Variants in RBBP5 observed in about 807,000 individuals in gnomAD.
The protein encoded by RBBP5 is retinoblastoma-binding protein 5.
In RBBP5, 5 loss-of-function variants were observed where a neutral mutation model predicts 72.2. That is an observed-to-expected ratio of 0.07 (90% CI 0.04 to 0.15). RBBP5 has a LOEUF of 0.15. Ranked by LOEUF, RBBP5 falls within the 10% of genes least tolerant of loss-of-function variation. RBBP5 has a pLI of 1.00. For missense variants in RBBP5, 322 were observed against 652.2 expected (o/e 0.49, Z 5.51); for synonymous variants, 209 against 237.2 (o/e 0.88, Z 1.09).
At chr1:205,109,747 G>C (rs1236349887) in intron 3 of RBBP5, among the ~76,000 whole-genome samples, 1 of 152,042 alleles carries the variant, frequency 6.6e-6, no homozygotes, top group African/African-American at 2.4e-5. Context: ...ATAACCTCAA[G>C]AATTAGGAAT....
chr1:205,106,133 G>A (rs1267122069), intron 3 of RBBP5, among the ~76,000 whole-genome samples: 1 of 152,188 alleles, frequency 6.6e-6, no homozygotes, highest in Non-Finnish European at 1.5e-5. Context: ...CAGACAGGAT[G>A]TTATCAGCAG....
intron 13 of RBBP5, among the ~76,000 whole-genome samples, chr1:205,092,861 C>T (rs529245054): frequency 2.6e-5 from 4 of 152,254 alleles, no homozygotes; most frequent in Admixed American, 1.3e-4. Context: ...GAATTACAGG[C>T]GTGAGCCTTA....
Position 205,101,650 on chromosome 1 carries a change from T to C in RBBP5, c.582A>G (p.Gly194=). 6.2e-7 allele frequency: 1 copy of C among 1,613,882 alleles called. No individual in the cohort carries two copies. Among genetic ancestry groups the C allele is most frequent in the Non-Finnish European group, 8.5e-7 (1 of 1,179,902 alleles). Residue 194 remains glycine, a synonymous_variant, in exon 6 of 14, where the codon GGA becomes GGG. Transcript: ENST00000264515. The part of the protein sequence containing the change: ...DLVASFRVTT[G]TSNTTAIKSI... ...ACTTAATGGCTGTGGTATTGCTTGT[T>C]CCAGTTGTCACTCTGAAGGAAGCAA...
At position 205,114,908 on chromosome 1, in the gene RBBP5, G is replaced by A. The variant is rs1449902944; in HGVS notation, c.99C>T (p.Asn33=). 10 of 1,593,076 alleles carry A rather than the reference G, an allele frequency of 6.3e-6. No homozygotes were observed. The highest frequency in any genetic ancestry group is 6.9e-6 in the Non-Finnish European group (8 of 1,167,224). ...CISMALTCTF[N]RWGTLLAVGC... ...CAACTGCAAGCAGTGTGCCCCACCT[G>A]TTAAAGGTGCAAGTCAAAGCCATGC... is the stretch of plus-strand genomic sequence containing the variant. The change falls in exon 3 of 14, where the codon AAC becomes AAT. Residue 33 remains asparagine (N), a synonymous_variant. Transcript: ENST00000264515.
intron 5 of RBBP5, 85 bp from the exon 6 acceptor site, chr1:205,101,794 G>A (rs1054113139): frequency 1.8e-5 from 17 of 953,930 alleles, no homozygotes; most frequent in Non-Finnish European, 2.8e-5. Flanking sequence ...ACTGCGTAAA[G>A]ACTGGGTAAA....
rs1655754607 is a variant in RBBP5 at position 205,099,901 on chromosome 1, A to C, written c.906+10T>G. On this transcript the variant is annotated intron_variant, in intron 8 of 13. Transcript: ENST00000264515. This position sits in a 1 kb window ranked among gnomAD's most constrained non-coding sequence, Gnocchi z 4.7. ...TGTGACTAACAAAAGCAATGTCCTA[A>C]TGTACTCACAGCTACATCCAAGAGG... 6.2e-7 allele frequency: 1 copy of C among 1,613,902 alleles called. No homozygotes were observed. Among genetic ancestry groups the C allele is most frequent in the South Asian group, 1.1e-5 (1 of 91,068 alleles).
intron 3 of RBBP5, among the ~76,000 whole-genome samples, chr1:205,107,052 A>ATGTGTG (rs373075505): frequency 4.0e-5 from 6 of 150,242 alleles, no homozygotes; most frequent in Admixed American, 1.3e-4. Flanking sequence ...ATGTGTGTAT[A>ATGTGTG]TGTATGTGTG....
At chr1:205,106,245 T>C (rs1173196676) in intron 3 of RBBP5, among the ~76,000 whole-genome samples, 1 of 152,148 alleles carries the variant, frequency 6.6e-6, no homozygotes, top group East Asian at 1.9e-4. Context: ...AACAAGATGG[T>C]ACACTCCATT....
In RBBP5 at chr1:205,111,318, C is replaced by T. The variant is rs1169335218; in HGVS notation, c.218+3471G>A. Among the ~76,000 whole-genome samples, 5 of 152,266 alleles carry T rather than the reference C, an allele frequency of 3.3e-5. No individual in the cohort carries two copies. In the East Asian group the frequency reaches 5.8e-4, roughly 18 times the overall value. On this transcript the variant is annotated intron_variant, in intron 3 of 13. Transcript: ENST00000264515. ...AATGGCTACTGTATATCAGGTACAACGCTAGAAGCTGAGAACATAGCAGTG... is the reference window on the plus strand; with the variant it reads ...AATGGCTACTGTATATCAGGTACAATGCTAGAAGCTGAGAACATAGCAGTG...
chr1:205,099,634 C>G lies in RBBP5; in HGVS notation c.978+107G>C. ...CCTATGTAATTTAGGTTGCGAGAAT[C>G]ATATGCAAAAGAAAATAAAAATGTA... On this transcript the variant is annotated intron_variant, in intron 9 of 13. Coordinates refer to ENST00000264515, the MANE Select transcript of RBBP5 (RefSeq NM_005057.4). The surrounding 1 kb of genome is among the most constrained non-coding windows in gnomAD (Gnocchi z 4.7). The G allele has an allele frequency of 8.3e-7, 1 of 1,203,402 alleles. No homozygotes were observed. The highest frequency in any genetic ancestry group is 1.2e-6 in the Non-Finnish European group (1 of 851,296). The allele number at this position is 1,203,402 out of a possible 1,614,324, so 74.5% of individuals were successfully genotyped here.
At chr1:205,098,345 T>G (rs1655694152) in intron 10 of RBBP5, among the ~76,000 whole-genome samples, 1 of 152,200 alleles carries the variant, frequency 6.6e-6, no homozygotes, top group Non-Finnish European at 1.5e-5. Flanking sequence ...TGAGCACTCT[T>G]AGCATGGTGA....
rs538168397 is a variant in RBBP5, at chr1:205,117,876, G to A, written c.20-1993C>T. On this transcript the variant is annotated intron_variant, in intron 1 of 13. Transcript: ENST00000264515. ...GTCTCCCAAGCTGGAATGCAATGAT[G>A]TTGGCTCCCTCCAACCTCTGCCTCA... Among the ~76,000 whole-genome samples the A allele has an allele frequency of 9.9e-5, 15 of 151,944 alleles. No individual in the cohort carries two copies. In the South Asian group the frequency reaches 2.9e-3, roughly 30 times the overall value.
rs1323193197 is a variant in RBBP5, at chr1:205,097,359, G to A, written c.1133C>T (p.Thr378Ile). ...GAAGGCAGCAATAGGGTCCACGCTG[G>A]TGACATCCACTTCCTCATCTTCTGC... ...DAAEDEEVDV[T>I]SVDPIAAFCS... Residue 378 changes from threonine to isoleucine, a missense_variant, in exon 11 of 14, where the codon ACC (threonine) becomes ATC (isoleucine). By Grantham distance (89) the Thr-to-Ile change is moderately conservative (BLOSUM62 -1). This residue lies in a region of RBBP5 where 30 missense variants were observed against 82.1 expected (regional missense o/e 0.37). Transcript: ENST00000264515. The A allele has an allele frequency of 6.4e-7, 1 of 1,552,428 alleles. No individual in the cohort carries two copies. The highest frequency in any genetic ancestry group is 2.0e-5 in the Admixed American group (1 of 51,052).
chr1:205,119,132 C>T (rs1405903350), intron 1 of RBBP5, among the ~76,000 whole-genome samples: 1 of 152,194 alleles, frequency 6.6e-6, no homozygotes, highest in Admixed American at 6.5e-5. Flanking sequence ...GTGGCTCACA[C>T]CTGTAATCCC....
intron 1 of RBBP5, among the ~76,000 whole-genome samples, chr1:205,118,151 A>G: frequency 6.6e-6 from 1 of 151,992 alleles, no homozygotes; most frequent in East Asian, 1.9e-4. Flanking sequence ...CCCATAGCTC[A>G]TTTATTGTGG....
intron 1 of RBBP5, among the ~76,000 whole-genome samples, chr1:205,118,312 A>G (rs1257772653): frequency 6.6e-6 from 1 of 152,114 alleles, no homozygotes; most frequent in Non-Finnish European, 1.5e-5. Flanking sequence ...CAAATGTTGC[A>G]ATAGATTAGA....
intron 13 of RBBP5, among the ~76,000 whole-genome samples, chr1:205,093,214 C>T (rs1440824723): frequency 6.6e-6 from 1 of 151,348 alleles, no homozygotes; most frequent in Non-Finnish European, 1.5e-5. Context: ...AATCCCAGTA[C>T]TCTGGGAAGC....
chr1:205,102,474 A>G (rs1655872383), intron 5 of RBBP5, among the ~76,000 whole-genome samples: 1 of 152,134 alleles, frequency 6.6e-6, no homozygotes, highest in Non-Finnish European at 1.5e-5. Context: ...TCATAAAGAG[A>G]GAAGGTCAAA....
intron 5 of RBBP5, among the ~76,000 whole-genome samples, chr1:205,103,316 A>T (rs539099980): frequency 6.6e-6 from 1 of 152,266 alleles, no homozygotes; most frequent in Admixed American, 6.5e-5. Context: ...TAAAAATAAA[A>T]ATAAATCAAG....
Sources: gnomAD v4.1 joint callset for allele counts (sites outside exome capture counted in the v4.1 genomes callset) on GRCh38, gnomAD v4.1.1 for gene constraint, gnomAD v4.1.1 regional missense constraint, Gnocchi (gnomAD v3.1) non-coding constraint, MANE v1.5 for transcripts, NCBI Gene and HGNC (gene_info 2026-07-23, HGNC 2026-07-21) for gene names.